Variants in MYH6 observed in about 807,000 individuals in gnomAD.
MYH6 encodes myosin heavy chain 6, also known as myosin-6.
Under a neutral mutation model 223.2 loss-of-function variants are expected in MYH6, and 126 were observed. The ratio of observed to expected loss-of-function variants is 0.56; its 90% confidence interval spans 0.49 to 0.65. The LOEUF (loss-of-function observed/expected upper bound fraction) is 0.65. Ranked by LOEUF, MYH6 falls within the 30% of genes least tolerant of loss-of-function variation. The pLI, the probability that MYH6 is intolerant of heterozygous loss-of-function variation, is 0.00. For synonymous variants in MYH6, 978 were observed against 1,010.2 expected (o/e 0.97, Z 0.61); for missense variants, 2,040 against 2,536.4 (o/e 0.80, Z 4.20).
chr14:23,395,532 CT>C (rs11341082), intron 20 of MYH6, among the ~76,000 whole-genome samples: 40,320 of 148,294 alleles, frequency 0.27, 5,943 homozygotes, highest in African/African-American at 0.4. Flanking sequence ...AGCTGTTCAA[CT>C]TTTTTTTTTT....
At chr14:23,397,968 TTC>T (rs1566512595) in intron 15 of MYH6, among the ~76,000 whole-genome samples, 11 of 130,762 alleles carry the variant, frequency 8.4e-5, no homozygotes, top group South Asian at 2.8e-4. Context: ...CTTCTTCTTC[TTC>T]TTCTTCTTCT....
chr14:23,397,952 CTTCT>C lies in MYH6; in HGVS notation c.1892-343_1892-340del, dbSNP rs1891464197. Among the ~76,000 whole-genome samples, 54 of 91,228 alleles carry C rather than the reference CTTCT, an allele frequency of 5.9e-4. 1 individual carries two copies. Among genetic ancestry groups the C allele is most frequent in the African/African-American group, 2.4e-3 (49 of 20,776 alleles). 59.8% of individuals were successfully genotyped at this position (91,228 alleles called of 152,430 possible). On this transcript the variant is annotated intron_variant, in intron 15 of 38. Transcript: ENST00000405093. ...TCCTCCTCTTCTTCTTCTTCTTCTT[CTTCT>C]TCTTCTTCTTCTTCTTCTTCTTCTT...
intron 24 of MYH6, 71 bp downstream of exon 24, chr14:23,392,841 G>A (rs1036765095): frequency 1.6e-5 from 25 of 1,598,564 alleles, no homozygotes; most frequent in East Asian, 4.5e-5. Context: ...CAGTGGAGGC[G>A]CAGCACCCTG....
rs983434087 is a variant in MYH6 at position 23,407,566 on chromosome 14, C to G, written c.-14+10G>C. 1.6e-4 allele frequency: 197 copies of G among 1,225,630 alleles called. No individual in the cohort carries two copies. Among genetic ancestry groups the G allele is most frequent in the Non-Finnish European group, 2.0e-4 (193 of 969,150 alleles). 75.9% of individuals were successfully genotyped at this position (1,225,630 alleles called of 1,614,324 possible). On this transcript the variant is annotated intron_variant, in intron 2 of 38. Transcript: ENST00000405093. This position sits in a 1 kb window ranked among gnomAD's most constrained non-coding sequence, Gnocchi z 5.6. ...CCAGTCTCTGCAGAGAAAATGGGGG[C>G]AGTTCTCACCTGGTTATCCCTTCAC...
At chr14:23,388,726 A>G in intron 29 of MYH6, 133 bp downstream of exon 29, 1 of 1,351,700 alleles carries the variant, frequency 7.4e-7, no homozygotes, top group Non-Finnish European at 1.1e-6. Context: ...CTTTCTTCCA[A>G]GCACTTCTGT....
intron 17 of MYH6, 22 bp downstream of exon 17, chr14:23,397,148 C>G (rs770821876): frequency 6.2e-7 from 1 of 1,614,212 alleles, no homozygotes; most frequent in Non-Finnish European, 8.5e-7. Flanking sequence ...CCTCCCCAGA[C>G]TAAGGTCTTC....
rs397516779 is a variant in MYH6, at chr14:23,404,299, G to C, written c.732C>G (p.Arg244=). ...AKTVRNDNSS[R]FGKFIRIHFG... The stretch of plus-strand genomic sequence containing the variant: ...GGGAGTGGTCAAAGGCACTCACAAA[G>C]CGGGAGGAGTTGTCGTTCCGGACAG... The change falls in exon 8 of 39, where the codon CGC becomes CGG. Residue 244 remains arginine (R), a synonymous_variant. Coordinates refer to ENST00000405093, the MANE Select transcript of MYH6 (RefSeq NM_002471.4). The C allele has an allele frequency of 6.2e-7, 1 of 1,614,260 alleles. No homozygotes were observed. The highest frequency in any genetic ancestry group is 2.2e-5 in the East Asian group (1 of 44,884).
At chr14:23,406,893 G>A in intron 3 of MYH6, 130 bp downstream of exon 3, 1 of 1,026,796 alleles carries the variant, frequency 9.7e-7, no homozygotes. Context: ...CCTCAAAGGA[G>A]CATGTCCTGG....
chr14:23,408,067 G>A (rs1226449972), intron 1 of MYH6, among the ~76,000 whole-genome samples, 186 bp downstream of exon 1: 1 of 152,144 alleles, frequency 6.6e-6, no homozygotes, highest in Non-Finnish European at 1.5e-5. Flanking sequence ...GGAGAAAAGA[G>A]GTTTCTGGGT....
At chr14:23,406,470 G>A (rs1891791515) in intron 3 of MYH6, among the ~76,000 whole-genome samples, 1 of 152,204 alleles carries the variant, frequency 6.6e-6, no homozygotes, top group African/African-American at 2.4e-5. Flanking sequence ...TTCAGTCAAC[G>A]AGTTCATGAG....
intron 25 of MYH6, among the ~76,000 whole-genome samples, chr14:23,391,991 A>G (rs1891248257): frequency 6.6e-6 from 1 of 152,192 alleles, no homozygotes. Context: ...TTTCAAATAC[A>G]TTATCCCCTC....
chr14:23,382,591 T>G, intron 37 of MYH6, 29 bp from the exon 38 acceptor site: 4 of 1,614,158 alleles, frequency 2.5e-6, no homozygotes, highest in Non-Finnish European at 3.4e-6. Context: ...GATGGGTGAA[T>G]GAGCTGGAGA....
intron 20 of MYH6, among the ~76,000 whole-genome samples, chr14:23,396,068 G>A (rs1230023415): frequency 6.6e-6 from 1 of 150,944 alleles, no homozygotes; most frequent in African/African-American, 2.4e-5. Flanking sequence ...TTTCATTGGT[G>A]TCTTAATTTG....
At position 23,392,552 on chromosome 14, in the gene MYH6, A is replaced by G. The variant is rs552662475; in HGVS notation, c.3342+10T>C. On this transcript the variant is annotated intron_variant, in intron 25 of 38. Coordinates refer to ENST00000405093, the MANE Select transcript of MYH6 (RefSeq NM_002471.4). ...AGCTCCCACTTTCATGCACTGGGAA[A>G]AAAAGTCACCTGGTTTTCCTTCAGT... 1.7e-5 allele frequency: 27 copies of G among 1,606,460 alleles called. No homozygotes were observed. In the African/African-American group the frequency reaches 3.5e-4, roughly 21 times the overall value.
rs752930427 is a variant in MYH6 at position 23,386,077 on chromosome 14, T to A, written c.5014A>T (p.Asn1672Tyr). ...AVRANDDLKE[N>Y]IAIVERRNNL... ...TTGCGCCGCTCCACGATGGCGATGTTCTCCTTCAGGTCGTCGTTGGCACGG... is the reference window on the plus strand; with the variant it reads ...TTGCGCCGCTCCACGATGGCGATGTACTCCTTCAGGTCGTCGTTGGCACGG... Residue 1672 changes from asparagine (N) to tyrosine (Y), a missense_variant, in exon 34 of 39, where the codon AAC becomes TAC. By Grantham distance (143) the Asn-to-Tyr change is moderately radical. This residue lies in a region of MYH6 where 1,203 missense variants were observed against 1,400.2 expected (regional missense o/e 0.86). Coordinates refer to ENST00000405093, the MANE Select transcript of MYH6 (RefSeq NM_002471.4). 2 of 1,614,180 alleles carry A rather than the reference T, an allele frequency of 1.2e-6. No individual in the cohort carries two copies. The highest frequency in any genetic ancestry group is 2.2e-5 in the South Asian group (2 of 91,082).
At chr14:23,387,970 C>T (rs1361507677) in intron 30 of MYH6, 47 bp from the exon 31 acceptor site, 1 of 1,610,354 alleles carries the variant, frequency 6.2e-7, no homozygotes, top group Non-Finnish European at 8.5e-7. Context: ...CCTTAGCTCC[C>T]CAGCCCTCCT....
chr14:23,403,114 G>A (rs1891659978), intron 10 of MYH6, among the ~76,000 whole-genome samples: 1 of 151,996 alleles, frequency 6.6e-6, no homozygotes, highest in Non-Finnish European at 1.5e-5. Context: ...CGAGGGAGGA[G>A]TGGAGAGAAG....
chr14:23,405,227 C>A lies in MYH6; in HGVS notation c.498G>T (p.Leu166=), dbSNP rs963416949. 1 of 1,613,942 alleles carries A rather than the reference C, an allele frequency of 6.2e-7. No homozygotes were observed. The highest frequency in any genetic ancestry group is 1.3e-5 in the African/African-American group (1 of 74,912). ...ACCAGGGGCCACCAGGCTCACCTGT[C>A]AGCATGTACTGATAGGCGTTGTCGG... ...SISDNAYQYM[L]TDRENQSILI... is the part of the protein sequence containing the mutation. The change falls in exon 5 of 39, where the codon CTG becomes CTT. Residue 166 remains leucine, a synonymous_variant. Coordinates refer to ENST00000405093, the MANE Select transcript of MYH6 (RefSeq NM_002471.4). The surrounding 1 kb of genome is among the most constrained non-coding windows in gnomAD (Gnocchi z 4.7).
intron 3 of MYH6, among the ~76,000 whole-genome samples, chr14:23,406,030 G>A (rs1483080975): frequency 2.0e-5 from 3 of 152,072 alleles, no homozygotes; most frequent in Non-Finnish European, 2.9e-5. Flanking sequence ...GGGACACCCT[G>A]TGCCCATGAC....
Sources: allele counts gnomAD v4.1 joint callset (sites outside exome capture counted in the v4.1 genomes callset), GRCh38; gene constraint gnomAD v4.1.1; regional missense constraint gnomAD v4.1.1; non-coding constraint Gnocchi (gnomAD v3.1); transcripts MANE v1.5; gene names NCBI Gene and HGNC (gene_info 2026-07-23, HGNC 2026-07-21).